Variants in TENM2 observed in about 807,000 individuals in gnomAD.
The protein encoded by TENM2 is teneurin transmembrane protein 2.
In TENM2, 52 loss-of-function variants were observed where a neutral mutation model predicts 245.2. That is an observed-to-expected ratio of 0.21 (90% CI 0.17 to 0.27). TENM2 has a LOEUF of 0.27. TENM2 is among the 10% of genes least tolerant of loss of function. TENM2 has a pLI of 1.00. For synonymous variants in TENM2, 1,363 were observed against 1,438.9 expected (o/e 0.95, Z 1.19); for missense variants, 3,046 against 3,666.8 (o/e 0.83, Z 4.37).
chr5:167,944,394 A>C (rs1384575473), intron 3 of TENM2, among the ~76,000 whole-genome samples: 2 of 152,150 alleles, frequency 1.3e-5, no homozygotes, highest in Admixed American at 6.5e-5. Context: ...ATCACCTAAC[A>C]ATCTCCATCT....
At chr5:167,541,013 G>A (rs1364173147) in intron 2 of TENM2, among the ~76,000 whole-genome samples, 1 of 152,156 alleles carries the variant, frequency 6.6e-6, no homozygotes, top group African/African-American at 2.4e-5. Context: ...AAGTGGCCCA[G>A]AAGTGGGAAC....
exon 16 of TENM2, chr5:168,198,865 C>T (rs762271693): frequency 4.3e-6 from 7 of 1,613,608 alleles, no homozygotes; most frequent in East Asian, 2.2e-5. Flanking sequence ...TCGACCTGAT[C>T]GCAAATGGAG....
chr5:167,094,384 T>A, the TENM2 span, among the ~76,000 whole-genome samples: 1 of 152,186 alleles, frequency 6.6e-6, no homozygotes, highest in Non-Finnish European at 1.5e-5. Flanking sequence ...TTACTGGGTA[T>A]AAATTTGGGC....
intron 23 of TENM2, among the ~76,000 whole-genome samples, chr5:168,221,649 G>C (rs753194029): frequency 1.1e-4 from 16 of 152,192 alleles, no homozygotes; most frequent in Non-Finnish European, 2.2e-4. Context: ...CCCATTTTAT[G>C]ATCAGCCAGT....
intron 2 of TENM2, among the ~76,000 whole-genome samples, chr5:167,536,169 A>G (rs892894807): frequency 7.2e-5 from 11 of 152,098 alleles, no homozygotes; most frequent in Non-Finnish European, 1.5e-4. Context: ...TAATAATAAT[A>G]CCCACCTAGG....
chr5:167,284,162 C>G (rs1412500463), upstream of TENM2, among the ~76,000 whole-genome samples: 1 of 152,138 alleles, frequency 6.6e-6, no homozygotes, highest in Non-Finnish European at 1.5e-5. Flanking sequence ...GCCAAAAGCT[C>G]GTTGAAGAAA....
chr5:167,073,232 A>G, the TENM2 span, among the ~76,000 whole-genome samples: 1 of 151,726 alleles, frequency 6.6e-6, no homozygotes, highest in Admixed American at 6.6e-5. Flanking sequence ...TTTCTTTTTC[A>G]TTTTAACAGT....
the TENM2 span, among the ~76,000 whole-genome samples, chr5:167,080,896 G>T: frequency 3.3e-5 from 5 of 152,062 alleles, no homozygotes; most frequent in East Asian, 9.7e-4. Flanking sequence ...GGGCAAAAAG[G>T]ACATACCAGA....
the TENM2 span, among the ~76,000 whole-genome samples, chr5:167,235,136 G>T: frequency 6.6e-6 from 1 of 152,150 alleles, no homozygotes; most frequent in Admixed American, 6.6e-5. Context: ...TCTTTGACTT[G>T]CAGATGGCTT....
At chr5:168,018,937 C>G (rs946603450) in intron 5 of TENM2, among the ~76,000 whole-genome samples, 1 of 152,106 alleles carries the variant, frequency 6.6e-6, no homozygotes, top group Non-Finnish European at 1.5e-5. Flanking sequence ...GGAGACCACG[C>G]CTGTGCTAGC....
At chr5:167,075,960 T>C in the TENM2 span, among the ~76,000 whole-genome samples, 3 of 152,200 alleles carry the variant, frequency 2.0e-5, no homozygotes, top group Admixed American at 6.5e-5. Context: ...TTTATAAACA[T>C]AAGCCAGTCT....
chr5:167,823,447 C>G (rs553694617), intron 2 of TENM2, among the ~76,000 whole-genome samples: 2 of 152,138 alleles, frequency 1.3e-5, no homozygotes, highest in Admixed American at 6.5e-5. Context: ...TTCCCCTCAC[C>G]CCCCTGCCAC....
At chr5:166,984,886 T>A in the TENM2 span, among the ~76,000 whole-genome samples, 1 of 152,100 alleles carries the variant, frequency 6.6e-6, no homozygotes, top group Admixed American at 6.6e-5. Flanking sequence ...AGAAGAAACA[T>A]AAGCAAATTA....
intron 4 of TENM2, among the ~76,000 whole-genome samples, chr5:167,989,512 T>C (rs992744227): frequency 2.6e-5 from 4 of 152,048 alleles, no homozygotes; most frequent in Admixed American, 2.0e-4. Context: ...GGAGCACTGA[T>C]TAGAAACAAG....
chr5:167,299,901 C>T (rs1355771889), intron 1 of TENM2, among the ~76,000 whole-genome samples: 1 of 152,068 alleles, frequency 6.6e-6, no homozygotes, highest in Non-Finnish European at 1.5e-5. Context: ...GTATATGTGT[C>T]AGGTGGGAGG....
At chr5:167,344,315 T>TAG (rs1258330244) in intron 1 of TENM2, among the ~76,000 whole-genome samples, 3 of 142,784 alleles carry the variant, frequency 2.1e-5, no homozygotes, top group African/African-American at 7.8e-5. Flanking sequence ...CACACATATA[T>TAG]ATATATATAT....
the TENM2 span, among the ~76,000 whole-genome samples, chr5:167,153,428 C>T: frequency 2.6e-5 from 4 of 151,926 alleles, no homozygotes; most frequent in African/African-American, 7.2e-5. Flanking sequence ...TCTTCATCCT[C>T]GTCATCTTCA....
chr5:167,944,915 G>C (rs959857218), intron 3 of TENM2, among the ~76,000 whole-genome samples: 2 of 152,148 alleles, frequency 1.3e-5, no homozygotes, highest in African/African-American at 4.8e-5. Context: ...AACAAACAAA[G>C]ACGGAGGAGT....
At chr5:168,064,723 G>A (rs1189768796) in intron 7 of TENM2, among the ~76,000 whole-genome samples, 2 of 152,206 alleles carry the variant, frequency 1.3e-5, no homozygotes, top group African/African-American at 4.8e-5. Flanking sequence ...AAATGAATAG[G>A]CATGGGCTGA....
Sources: allele counts gnomAD v4.1 joint callset (sites outside exome capture counted in the v4.1 genomes callset), GRCh38; gene constraint gnomAD v4.1.1; transcripts MANE v1.5; gene names NCBI Gene and HGNC (gene_info 2026-07-23, HGNC 2026-07-21).